Variants in NCAM1 observed in about 807,000 individuals in gnomAD.
The protein encoded by NCAM1 is antigen recognized by monoclonal antibody 5.1H11.
A neutral mutation model predicts 109.8 loss-of-function variants in NCAM1; 14 were observed. That is an observed-to-expected ratio of 0.13 (90% CI 0.08 to 0.20). The LOEUF is 0.20. Among genes scored for constraint, NCAM1 ranks in the 10% least tolerant of loss-of-function variants. NCAM1 has a pLI of 1.00. For synonymous variants in NCAM1, 418 were observed against 442.9 expected (o/e 0.94, Z 0.70); for missense variants, 774 against 1,109.9 (o/e 0.70, Z 4.30).
chr11:113,011,217 G>C (rs1169394508), intron 1 of NCAM1, among the ~76,000 whole-genome samples: 1 of 143,878 alleles, frequency 7.0e-6, no homozygotes, highest in Non-Finnish European at 1.5e-5. Flanking sequence ...GCGGTGTTTG[G>C]TTTTTTGTTC....
chr11:113,031,949 A>T (rs1320670), intron 1 of NCAM1, among the ~76,000 whole-genome samples: 68,541 of 151,880 alleles, frequency 0.45, 16,340 homozygotes, highest in East Asian at 0.8. Context: ...TTTGTTTTTG[A>T]GATGGTCTTC....
chr11:113,183,830 GCTGGGGTATGACACTT>G (rs57043613), intron 1 of NCAM1, among the ~76,000 whole-genome samples: 7,805 of 152,240 alleles, frequency 0.051, 365 homozygotes, highest in African/African-American at 0.12. Flanking sequence ...AGGAGAGTGA[GCTGGGGTATGACACTT>G]CTGTGTCATT....
chr11:113,097,556 G>A (rs1939656369), intron 1 of NCAM1, among the ~76,000 whole-genome samples: 1 of 150,822 alleles, frequency 6.6e-6, no homozygotes, highest in African/African-American at 2.4e-5. Flanking sequence ...CAGCTTCATT[G>A]GGAACTCTGT....
chr11:113,206,734 A>G (rs567301401), intron 5 of NCAM1, among the ~76,000 whole-genome samples: 1 of 152,148 alleles, frequency 6.6e-6, no homozygotes, highest in Admixed American at 6.5e-5. Flanking sequence ...TTTTTTGCCA[A>G]ACTCTCCCCA....
chr11:113,224,517 G>C (rs1944780067), intron 9 of NCAM1, among the ~76,000 whole-genome samples: 3 of 152,246 alleles, frequency 2.0e-5, no homozygotes, highest in Admixed American at 1.3e-4. Flanking sequence ...GCAGGGCATA[G>C]CCAAACAAAA....
At chr11:112,993,945 A>G (rs918014651) in intron 1 of NCAM1, among the ~76,000 whole-genome samples, 4 of 152,176 alleles carry the variant, frequency 2.6e-5, no homozygotes, top group Non-Finnish European at 4.4e-5. Flanking sequence ...AGAGGAATCC[A>G]TGATTCTTCT....
In NCAM1 at chr11:113,143,999, T is replaced by C. The variant is rs1941925246; in HGVS notation, c.53-58380T>C. Among the ~76,000 whole-genome samples the C allele has an allele frequency of 2.0e-5, 3 of 152,230 alleles. No individual in the cohort carries two copies. The South Asian group carries it at 6.2e-4, about 32-fold the overall frequency. ...ACAGCATATCTTTCCTTTTTTCATT[T>C]TGTTTTGATTGTGATAAGTGGGATC... On this transcript the variant is annotated intron_variant, in intron 1 of 19. Transcript: ENST00000316851.
intron 1 of NCAM1, among the ~76,000 whole-genome samples, chr11:113,140,624 T>C (rs1245134): frequency 0.058 from 8,870 of 152,258 alleles, 511 homozygotes; most frequent in African/African-American, 0.14. Flanking sequence ...ATGTAGGACT[T>C]TGCATTAATC....
At chr11:112,972,075 G>T (rs1950898795) in intron 1 of NCAM1, among the ~76,000 whole-genome samples, 1 of 152,152 alleles carries the variant, frequency 6.6e-6, no homozygotes, top group African/African-American at 2.4e-5. Context: ...GCTCTTTAAA[G>T]TTATAAGCTT....
chr11:113,245,183 C>T (rs986678315), intron 14 of NCAM1, among the ~76,000 whole-genome samples: 6 of 152,046 alleles, frequency 3.9e-5, no homozygotes, highest in East Asian at 1.9e-4. Flanking sequence ...GGTTGGGTGC[C>T]GTGGCTCAAG....
chr11:113,179,755 T>A (rs149028073), intron 1 of NCAM1, among the ~76,000 whole-genome samples: 18 of 152,346 alleles, frequency 1.2e-4, no homozygotes, highest in African/African-American at 4.3e-4. Context: ...TTGCTAGAGA[T>A]AAGAGGATGT....
Position 113,227,670 on chromosome 11 carries a change from G to A in NCAM1, c.1090-3975G>A, listed in dbSNP as rs187373639. ...ACCAATATCCCTGATGAACATCGAT[G>A]CAAAAATCATCAATAAAATACTGGC... On this transcript the variant is annotated intron_variant, in intron 9 of 19. Transcript: ENST00000316851. Among the ~76,000 whole-genome samples, 17 of 152,332 alleles carry A rather than the reference G, an allele frequency of 1.1e-4. No individual in the cohort carries two copies. The East Asian group carries it at 2.9e-3, about 26-fold the overall frequency.
rs2137827310 is a variant in NCAM1, at chr11:113,276,520, G to C, written c.*1133G>C. ...ATGAAGCAGAGAAGATTGTATAGTTGGGGCTGGTCTTGGTGAACACACATT... is the reference window on the plus strand; with the variant it reads ...ATGAAGCAGAGAAGATTGTATAGTTCGGGCTGGTCTTGGTGAACACACATT... On this transcript the variant is annotated 3_prime_UTR_variant, in exon 20 of 20. Coordinates refer to ENST00000316851, the MANE Select transcript of NCAM1 (RefSeq NM_181351.5). 1 of 152,716 alleles carries C rather than the reference G, an allele frequency of 6.5e-6. No homozygotes were observed. Among genetic ancestry groups the C allele is most frequent in the South Asian group, 2.1e-4 (1 of 4,818 alleles). The allele number at this position is 152,716 out of a possible 1,614,324, so 9.5% of individuals were successfully genotyped here.
At chr11:113,261,323 G>C (rs1945991378) in intron 17 of NCAM1, among the ~76,000 whole-genome samples, 1 of 152,146 alleles carries the variant, frequency 6.6e-6, no homozygotes, top group African/African-American at 2.4e-5. Flanking sequence ...TGCAAAAATG[G>C]GCTAGGAGAG....
chr11:113,267,224 CA>C (rs543950372), intron 17 of NCAM1, among the ~76,000 whole-genome samples: 2 of 152,162 alleles, frequency 1.3e-5, no homozygotes, highest in Non-Finnish European at 2.9e-5. Context: ...TCCATTTGTG[CA>C]ACAAGTATTC....
chr11:113,205,412 A>C, intron 3 of NCAM1, 111 bp from the exon 4 acceptor site: 2 of 1,386,066 alleles, frequency 1.4e-6, no homozygotes, highest in Non-Finnish European at 1.9e-6. Context: ...ACAACTGTAC[A>C]TCAGGATCGA....
At chr11:113,047,757 C>G (rs1208642460) in intron 1 of NCAM1, among the ~76,000 whole-genome samples, 1 of 152,194 alleles carries the variant, frequency 6.6e-6, no homozygotes, top group Non-Finnish European at 1.5e-5. Context: ...TCCTTCTTCA[C>G]ATGGTGGCAG....
chr11:113,073,447 C>G (rs762637229), intron 1 of NCAM1, among the ~76,000 whole-genome samples: 1 of 152,202 alleles, frequency 6.6e-6, no homozygotes, highest in Non-Finnish European at 1.5e-5. Flanking sequence ...ATCTCACAAG[C>G]CACAGGAGTG....
chr11:113,079,864 G>A (rs1212649139), intron 1 of NCAM1, among the ~76,000 whole-genome samples: 2 of 152,114 alleles, frequency 1.3e-5, no homozygotes, highest in Admixed American at 6.5e-5. Flanking sequence ...TTCGAGATTG[G>A]CATATTAGAG....
Sources: gnomAD v4.1 joint callset for allele counts (sites outside exome capture counted in the v4.1 genomes callset) on GRCh38, gnomAD v4.1.1 for gene constraint, MANE v1.5 for transcripts, NCBI Gene and HGNC (gene_info 2026-07-23, HGNC 2026-07-21) for gene names.